ALMS1: variants seen among roughly 807,000 people sequenced by gnomAD.
ALMS1 encodes the protein ALMS1 centrosome and basal body associated protein, also known as centrosome-associated protein ALMS1.
A neutral mutation model predicts 352.2 loss-of-function variants in ALMS1; 271 were observed. The observed-to-expected ratio is 0.77, with a 90% confidence interval of 0.70 to 0.85. The LOEUF is 0.85. Ranked by LOEUF, ALMS1 falls within the 40% of genes least tolerant of loss-of-function variation. ALMS1 has a pLI of 0.00. For missense variants in ALMS1, 5,445 were observed against 4,870.7 expected (o/e 1.12, Z -3.51); for synonymous variants, 1,865 against 1,761.2 (o/e 1.06, Z -1.48).
chr2:73,409,434 A>G (rs1456705323), intron 2 of ALMS1, among the ~76,000 whole-genome samples: 1 of 152,092 alleles, frequency 6.6e-6, no homozygotes, highest in African/African-American at 2.4e-5. Flanking sequence ...TATATTCTTC[A>G]CAAGTATTCT....
chr2:73,391,888 C>T (rs1670654379), intron 1 of ALMS1, among the ~76,000 whole-genome samples: 2 of 152,150 alleles, frequency 1.3e-5, no homozygotes, highest in Admixed American at 6.5e-5. Flanking sequence ...ACCATTTAAA[C>T]TATCTCTGTA....
At chr2:73,507,680 T>G (rs2103934760) in intron 10 of ALMS1, among the ~76,000 whole-genome samples, 1 of 152,342 alleles carries the variant, frequency 6.6e-6, no homozygotes, top group East Asian at 1.9e-4. Flanking sequence ...TCTTTATTAG[T>G]CTGGCTAGTG....
chr2:73,499,463 T>TGTA (rs1462815757), intron 10 of ALMS1, among the ~76,000 whole-genome samples: 3 of 152,190 alleles, frequency 2.0e-5, no homozygotes, highest in African/African-American at 7.2e-5. Flanking sequence ...CATGTTTTTC[T>TGTA]GTAGTAGTTT....
chr2:73,465,641 A>G (rs1342892472), intron 9 of ALMS1, among the ~76,000 whole-genome samples: 1 of 152,112 alleles, frequency 6.6e-6, no homozygotes, highest in Non-Finnish European at 1.5e-5. Context: ...GACAAATGGG[A>G]TCTAATTAAA....
In ALMS1 at chr2:73,489,823, T is replaced by C; in HGVS notation, c.7864T>C (p.Cys2622Arg). The C allele has an allele frequency of 6.2e-7, 1 of 1,614,194 alleles. No individual in the cohort carries two copies. The highest frequency in any genetic ancestry group is 8.5e-7 in the Non-Finnish European group (1 of 1,180,034). Residue 2622 changes from cysteine (C) to arginine (R), a missense_variant, in exon 10 of 23, where the codon TGC becomes CGC. Cys to Arg is a radical substitution (Grantham distance 180, BLOSUM62 -3). Transcript: ENST00000613296. ...CAGAGGACGGCAGAACCCATCATCATGCAGAGCCAAGCATGTCAACCTTTC... is the reference window on the plus strand; with the variant it reads ...CAGAGGACGGCAGAACCCATCATCACGCAGAGCCAAGCATGTCAACCTTTC... ...MTRGRQNPSS[C>R]RAKHVNLSAS...
chr2:73,402,543 A>G (rs1483402405), intron 1 of ALMS1, among the ~76,000 whole-genome samples: 1 of 151,930 alleles, frequency 6.6e-6, no homozygotes, highest in Non-Finnish European at 1.5e-5. Context: ...TACAGGCACG[A>G]GCCACCGCGC....
chr2:73,388,260 G>GT (rs1292756506), intron 1 of ALMS1, among the ~76,000 whole-genome samples: 1 of 152,136 alleles, frequency 6.6e-6, no homozygotes, highest in Non-Finnish European at 1.5e-5. Context: ...TAGAGGAGGA[G>GT]TTTTTTAAAC....
intron 1 of ALMS1, among the ~76,000 whole-genome samples, chr2:73,400,042 G>T (rs749618307): frequency 6.7e-6 from 1 of 149,888 alleles, no homozygotes; most frequent in Non-Finnish European, 1.5e-5. Context: ...GGCTCAAGCC[G>T]TCCTCCTACT....
intron 11 of ALMS1, among the ~76,000 whole-genome samples, chr2:73,527,317 A>G (rs1272096245): frequency 1.4e-5 from 2 of 148,026 alleles, no homozygotes; most frequent in African/African-American, 2.5e-5. Flanking sequence ...CTCCTCTTCC[A>G]TTTCTTGGAA....
At chr2:73,394,360 CT>C (rs908104416) in intron 1 of ALMS1, among the ~76,000 whole-genome samples, 2 of 151,056 alleles carry the variant, frequency 1.3e-5, no homozygotes, top group African/African-American at 4.9e-5. Context: ...TCATCTGGTC[CT>C]TTTTTTTGTT....
chr2:73,603,588 G>A (rs2104203957), intron 21 of ALMS1: 4 of 382,890 alleles, frequency 1.0e-5, no homozygotes, highest in South Asian at 2.2e-5. Flanking sequence ...GGCCAGGTAC[G>A]GTGGCTCATG....
At chr2:73,608,255 T>C (rs183994704) in intron 21 of ALMS1, among the ~76,000 whole-genome samples, 1 of 152,312 alleles carries the variant, frequency 6.6e-6, no homozygotes, top group East Asian at 1.9e-4. Context: ...GTAAGCACTA[T>C]TAGGATTTTA....
chr2:73,564,791 C>T (rs1017197530), intron 15 of ALMS1, among the ~76,000 whole-genome samples: 17 of 152,294 alleles, frequency 1.1e-4, no homozygotes, highest in African/African-American at 4.1e-4. Context: ...AAGATAAACA[C>T]GTCCATGTAG....
At chr2:73,484,570 G>A (rs1279779461) in intron 9 of ALMS1, among the ~76,000 whole-genome samples, 7 of 151,136 alleles carry the variant, frequency 4.6e-5, no homozygotes, top group Non-Finnish European at 5.9e-5. Context: ...TGCTCTTCTC[G>A]AGGAGTATCT....
At chr2:73,484,079 A>G (rs1373318334) in intron 9 of ALMS1, among the ~76,000 whole-genome samples, 1 of 151,648 alleles carries the variant, frequency 6.6e-6, no homozygotes, top group Non-Finnish European at 1.5e-5. Context: ...TTATATTTAA[A>G]GTTAATATTG....
chr2:73,427,691 T>C (rs1222768771), intron 6 of ALMS1, among the ~76,000 whole-genome samples: 1 of 152,100 alleles, frequency 6.6e-6, no homozygotes, highest in Non-Finnish European at 1.5e-5. Context: ...CCTGTGTCAT[T>C]CTTTTATAGA....
Position 73,491,198 on chromosome 2 carries a change from A to G in ALMS1, c.9239A>G (p.Asn3080Ser). Residue 3080 changes from asparagine to serine, a missense_variant, in exon 10 of 23, where the codon AAT becomes AGT. Transcript: ENST00000613296. ...SLDAASKARMNSEFNFDLHTV... is the reference protein window; with the variant it reads ...SLDAASKARMSSEFNFDLHTV... ...GATGCTGCTTCTAAAGCGAGGATGAATAGTGAGTTTAACTTTGACTTACAT... is the reference window on the plus strand; with the variant it reads ...GATGCTGCTTCTAAAGCGAGGATGAGTAGTGAGTTTAACTTTGACTTACAT... 2 of 1,614,200 alleles carry G rather than the reference A, an allele frequency of 1.2e-6. No homozygotes were observed. Among genetic ancestry groups the G allele is most frequent in the Non-Finnish European group, 1.7e-6 (2 of 1,180,022 alleles).
At chr2:73,511,104 C>T (rs1003711890) in intron 10 of ALMS1, among the ~76,000 whole-genome samples, 8 of 152,178 alleles carry the variant, frequency 5.3e-5, no homozygotes, top group African/African-American at 1.4e-4. Flanking sequence ...TCAGGCCAGT[C>T]GATCTTAGCT....
At chr2:73,428,118 T>G (rs1671416725) in intron 6 of ALMS1, among the ~76,000 whole-genome samples, 2 of 152,200 alleles carry the variant, frequency 1.3e-5, no homozygotes, top group African/African-American at 4.8e-5. Flanking sequence ...TTTAATCTGA[T>G]AACTGGGGAT....
Sources: allele counts gnomAD v4.1 joint callset (sites outside exome capture counted in the v4.1 genomes callset), GRCh38; gene constraint gnomAD v4.1.1; transcripts MANE v1.5; gene names NCBI Gene and HGNC (gene_info 2026-07-23, HGNC 2026-07-21).